Variants in FANCC observed in about 807,000 individuals in gnomAD.
FANCC encodes Fanconi anemia group C protein.
In FANCC, 55 loss-of-function variants were observed where a neutral mutation model predicts 71.3. That is an observed-to-expected ratio of 0.77 (90% CI 0.62 to 0.97). The LOEUF is 0.97. Among genes scored for constraint, FANCC ranks in the 50% least tolerant of loss-of-function variants. The pLI is 0.00. For synonymous variants in FANCC, 275 were observed against 244.9 expected (o/e 1.12, Z -1.15); for missense variants, 678 against 670.9 (o/e 1.01, Z -0.12).
intron 7 of FANCC, among the ~76,000 whole-genome samples, chr9:95,148,155 A>C (rs1449940076): frequency 6.6e-6 from 1 of 152,206 alleles, no homozygotes; most frequent in Non-Finnish European, 1.5e-5. Context: ...ATGTCTGATG[A>C]AGCAGTTTAA....
chr9:95,303,276 A>G (rs1834865286), intron 1 of FANCC, among the ~76,000 whole-genome samples: 1 of 152,270 alleles, frequency 6.6e-6, no homozygotes, highest in East Asian at 1.9e-4. Flanking sequence ...GGCATTGGTC[A>G]GCACAGATCT....
At chr9:95,290,689 G>A (rs1222877152) in intron 1 of FANCC, among the ~76,000 whole-genome samples, 1 of 152,096 alleles carries the variant, frequency 6.6e-6, no homozygotes, top group Non-Finnish European at 1.5e-5. Flanking sequence ...AGGCAAAGAG[G>A]AAGTCCTAAA....
chr9:95,116,140 C>T (rs2072398218), intron 11 of FANCC, among the ~76,000 whole-genome samples: 1 of 152,242 alleles, frequency 6.6e-6, no homozygotes, highest in African/African-American at 2.4e-5. Flanking sequence ...ACCACCTCAC[C>T]GTTTATTTAC....
chr9:95,308,995 G>A (rs1835227440), intron 1 of FANCC, among the ~76,000 whole-genome samples: 1 of 152,096 alleles, frequency 6.6e-6, no homozygotes, highest in Non-Finnish European at 1.5e-5. Context: ...GGGACCGAGT[G>A]AGATGCATCT....
Position 95,317,519 on chromosome 9 carries a change from C to A in FANCC, c.-79+7G>T, listed in dbSNP as rs551170090. Reference sequence around the variant, plus strand: ...GCCCTCGCTGCGTTCTGCGGCCTGCCGCTTACCGGGTGGTCCTCGCGGGAG... The same window carrying A: ...GCCCTCGCTGCGTTCTGCGGCCTGCAGCTTACCGGGTGGTCCTCGCGGGAG... On this transcript the variant is annotated splice_region_variant and intron_variant, in intron 1 of 14. Coordinates refer to ENST00000289081, the MANE Select transcript of FANCC (RefSeq NM_000136.3). 2.0e-4 allele frequency: 30 copies of A among 152,436 alleles called. No homozygotes were observed. The highest frequency in any genetic ancestry group is 6.0e-4 in the African/African-American group (25 of 41,592). 9.4% of individuals were successfully genotyped at this position (152,436 alleles called of 1,614,324 possible). A position where few individuals can be genotyped will look rare whatever the true frequency, so the allele number is the denominator to read the frequency against.
intron 3 of FANCC, among the ~76,000 whole-genome samples, chr9:95,242,532 GC>G (rs1290528549): frequency 1.4e-5 from 2 of 147,078 alleles, no homozygotes; most frequent in African/African-American, 5.0e-5. Flanking sequence ...AGTTTATGAA[GC>G]TTAAATCTAA....
chr9:95,245,463 A>C (rs1830907419), intron 3 of FANCC, among the ~76,000 whole-genome samples: 1 of 152,014 alleles, frequency 6.6e-6, no homozygotes, highest in Non-Finnish European at 1.5e-5. Flanking sequence ...CATACCTATG[A>C]TAAAGTTTAA....
rs1195694955 is a variant in FANCC at position 95,099,499 on chromosome 9, A to G, written c.*2208T>C. 3 of 227,150 alleles carry G rather than the reference A, an allele frequency of 1.3e-5. No homozygotes were observed. Among genetic ancestry groups the G allele is most frequent in the African/African-American group, 2.2e-5 (1 of 44,494 alleles). The allele number at this position is 227,150 out of a possible 1,614,324, so 14.1% of individuals were successfully genotyped here. On this transcript the variant is annotated 3_prime_UTR_variant, in exon 15 of 15. Coordinates refer to ENST00000289081, the MANE Select transcript of FANCC (RefSeq NM_000136.3). The stretch of plus-strand genomic sequence containing the variant: ...TGGCACCTGCCCAGGCTTTGCCGAA[A>G]TCGAAGGCAACAAGAGGGGGAGGTG...
chr9:95,225,227 C>T (rs1420447544), intron 4 of FANCC, among the ~76,000 whole-genome samples: 1 of 152,178 alleles, frequency 6.6e-6, no homozygotes, highest in African/African-American at 2.4e-5. Context: ...CAGACATCCA[C>T]ACATCCTCAC....
intron 7 of FANCC, among the ~76,000 whole-genome samples, chr9:95,140,689 C>A (rs1828521266): frequency 6.6e-6 from 1 of 152,170 alleles, no homozygotes; most frequent in Non-Finnish European, 1.5e-5. Flanking sequence ...GGTTGCCAGA[C>A]AAACTCACAA....
chr9:95,273,422 G>A (rs920223265), intron 1 of FANCC, among the ~76,000 whole-genome samples: 4 of 152,222 alleles, frequency 2.6e-5, no homozygotes, highest in Non-Finnish European at 5.9e-5. Context: ...AATGGGGGAA[G>A]AGGTGTTATG....
chr9:95,251,221 G>T (rs1406415155), intron 1 of FANCC, among the ~76,000 whole-genome samples: 1 of 152,288 alleles, frequency 6.6e-6, no homozygotes, highest in South Asian at 2.1e-4. Context: ...CTGAATTAAG[G>T]AATGAATAAT....
chr9:95,161,021 G>A (rs1270305569), intron 6 of FANCC, among the ~76,000 whole-genome samples: 3 of 152,098 alleles, frequency 2.0e-5, no homozygotes, highest in Admixed American at 1.3e-4. Context: ...GGGGGCTTTT[G>A]GTGACCCATG....
At chr9:95,316,487 A>G (rs1414011524) in intron 1 of FANCC, among the ~76,000 whole-genome samples, 1 of 152,250 alleles carries the variant, frequency 6.6e-6, no homozygotes, top group Non-Finnish European at 1.5e-5. Flanking sequence ...TGACAGCCAC[A>G]AAGAGCTGAA....
At chr9:95,257,939 A>G (rs1831776707) in intron 1 of FANCC, among the ~76,000 whole-genome samples, 1 of 152,224 alleles carries the variant, frequency 6.6e-6, no homozygotes, top group Non-Finnish European at 1.5e-5. Flanking sequence ...GAAGAAATGG[A>G]TAAATTCCTG....
intron 4 of FANCC, among the ~76,000 whole-genome samples, chr9:95,222,839 T>C (rs1230939486): frequency 1.3e-5 from 2 of 152,234 alleles, no homozygotes; most frequent in Admixed American, 1.3e-4. Flanking sequence ...ACAACTGTTA[T>C]CATTTTGTAT....
chr9:95,126,944 CTG>C (rs1380979827), intron 8 of FANCC: 1 of 292,236 alleles, frequency 3.4e-6, no homozygotes. Flanking sequence ...TGAAGTGTGC[CTG>C]TGTGACCTCC....
chr9:95,113,025 C>G (rs972508579), intron 12 of FANCC, among the ~76,000 whole-genome samples: 3 of 152,222 alleles, frequency 2.0e-5, no homozygotes, highest in Non-Finnish European at 2.9e-5. Flanking sequence ...GCTGTTTATG[C>G]CACCTGCATC....
chr9:95,229,885 CT>C (rs1829886899), intron 4 of FANCC, among the ~76,000 whole-genome samples: 1 of 151,790 alleles, frequency 6.6e-6, no homozygotes, highest in Non-Finnish European at 1.5e-5. Context: ...GTAGTCTTAC[CT>C]TTTAGAAAAA....
Sources: allele counts gnomAD v4.1 joint callset (sites outside exome capture counted in the v4.1 genomes callset), GRCh38; gene constraint gnomAD v4.1.1; transcripts MANE v1.5; gene names NCBI Gene and HGNC (gene_info 2026-07-23, HGNC 2026-07-21).